Variants in SLAMF7 observed in about 807,000 individuals in gnomAD.
The protein encoded by SLAMF7 is 19A24 protein.
A neutral mutation model predicts 34.1 loss-of-function variants in SLAMF7; 26 were observed. The ratio of observed to expected loss-of-function variants is 0.76; its 90% CI spans 0.56 to 1.06. SLAMF7 has a LOEUF of 1.06. SLAMF7 is among the 50% of genes least tolerant of loss of function. The pLI is 0.00. For missense variants in SLAMF7, 399 were observed against 402.5 expected, an observed-to-expected ratio of 0.99 and a Z score of 0.07; for synonymous variants, 171 against 156.4, an observed-to-expected ratio of 1.09 and a Z score of -0.70.
chr1:160,751,756 G>A (rs1216081627), intron 5 of SLAMF7: 1 of 223,742 alleles, frequency 4.5e-6, no homozygotes, highest in Non-Finnish European at 8.8e-6. Flanking sequence ...AAGGCAGTGG[G>A]TAGAAGAGTG....
Position 160,751,384 on chromosome 1 carries a change from A to C in SLAMF7, c.809A>C (p.Glu270Ala). 6.2e-7 allele frequency: 1 copy of C among 1,614,008 alleles called. No individual in the cohort carries two copies. Among genetic ancestry groups the C allele is most frequent in the Non-Finnish European group, 8.5e-7 (1 of 1,179,922 alleles). Residue 270 changes from glutamate (E) to alanine (A), a missense_variant, in exon 5 of 7, where the codon GAA becomes GCA. Coordinates refer to ENST00000368043, the MANE Select transcript of SLAMF7 (RefSeq NM_021181.5). The part of the protein sequence containing the change: ...EEKKRVDICR[E>A]TPNICPHSGE... The stretch of plus-strand genomic sequence containing the variant: ...AAGAAGAGAGTGGACATTTGTCGGG[A>C]AACTCCTAACATATGCCCCCATTCT...
intron 1 of SLAMF7, among the ~76,000 whole-genome samples, chr1:160,740,264 C>T (rs576189046): frequency 2.1e-5 from 3 of 141,618 alleles, no homozygotes; most frequent in African/African-American, 8.1e-5. Context: ...CCAGGTGGTT[C>T]TGGAATAGGC....
At chr1:160,752,355 TA>T in intron 6 of SLAMF7, 107 bp downstream of exon 6, 1 of 794,008 alleles carries the variant, frequency 1.3e-6, no homozygotes, top group Non-Finnish European at 2.1e-6. Flanking sequence ...TCTCTAGAAT[TA>T]AAAAGTACCC....
chr1:160,743,194 G>A (rs1196845112), intron 1 of SLAMF7, among the ~76,000 whole-genome samples: 1 of 152,232 alleles, frequency 6.6e-6, no homozygotes, highest in Admixed American at 6.5e-5. Flanking sequence ...TGTCAATGAA[G>A]TGAAATTAGT....
At chr1:160,752,983 G>A in intron 6 of SLAMF7, 123 bp from the exon 7 acceptor site, 1 of 772,484 alleles carries the variant, frequency 1.3e-6, no homozygotes, top group Admixed American at 2.1e-5. Flanking sequence ...GTGGGAGCCA[G>A]CATGCCAGCC....
Position 160,749,882 on chromosome 1 carries a change from G to T in SLAMF7, c.438G>T (p.Val146=). Residue 146 remains valine (V), a synonymous_variant, in exon 3 of 7, where the codon GTG becomes GTT. Transcript: ENST00000368043. ...AGAGCAATAAGAATGGCACCTGTGT[G>T]ACCAATCTGACATGCTGCATGGAAC... ...GLQSNKNGTC[V]TNLTCCMEHG... 1 of 1,613,968 alleles carries T rather than the reference G, an allele frequency of 6.2e-7. No homozygotes were observed. The highest frequency in any genetic ancestry group is 1.1e-5 in the South Asian group (1 of 91,018).
chr1:160,750,127 G>A, intron 3 of SLAMF7, 34 bp downstream of exon 3: 1 of 1,604,962 alleles, frequency 6.2e-7, no homozygotes, highest in Non-Finnish European at 8.5e-7. Context: ...AGGAGACTCT[G>A]CCCAGGTCCT....
chr1:160,743,290 A>T (rs1663883706), intron 1 of SLAMF7, among the ~76,000 whole-genome samples: 1 of 152,216 alleles, frequency 6.6e-6, no homozygotes, highest in African/African-American at 2.4e-5. Context: ...TTTGAATAAG[A>T]TTTACATGAA....
rs142395637 is a variant in SLAMF7 at position 160,750,413 on chromosome 1, G to C, written c.759G>C (p.Glu253Asp). The C allele has an allele frequency of 1.4e-5, 22 of 1,613,790 alleles. No individual in the cohort carries two copies. Among genetic ancestry groups the C allele is most frequent in the African/African-American group, 1.1e-4 (8 of 75,024 alleles). The change falls in exon 4 of 7, where the codon GAG becomes GAC. Residue 253 changes from glutamate to aspartate, a missense_variant. By Grantham distance (45) the Glu-to-Asp change is conservative. Transcript: ENST00000368043. ...LGLFLWFLKRERQEEYIEEKK... is the reference protein window; with the variant it reads ...LGLFLWFLKRDRQEEYIEEKK... ...TATTTCTTTGGTTTCTGAAGAGAGA[G>C]AGACAAGAAGGTAGAGCGTGTACTA...
intron 1 of SLAMF7, among the ~76,000 whole-genome samples, chr1:160,740,900 C>G (rs1663690852): frequency 6.6e-6 from 1 of 152,062 alleles, no homozygotes; most frequent in Non-Finnish European, 1.5e-5. Flanking sequence ...TATAAGGTAG[C>G]CAGAGATTGA....
intron 2 of SLAMF7, among the ~76,000 whole-genome samples, 184 bp from the exon 3 acceptor site, chr1:160,749,637 C>T (rs1340005311): frequency 3.3e-5 from 5 of 152,152 alleles, no homozygotes; most frequent in African/African-American, 1.2e-4. Context: ...TATTATATAG[C>T]TATGGTAAAG....
intron 1 of SLAMF7, among the ~76,000 whole-genome samples, chr1:160,746,532 G>A (rs1224543744): frequency 2.6e-5 from 4 of 152,200 alleles, no homozygotes; most frequent in Non-Finnish European, 5.9e-5. Context: ...GTACTTTTAA[G>A]GAGAACACCT....
At chr1:160,741,615 A>T (rs1663748550) in intron 1 of SLAMF7, among the ~76,000 whole-genome samples, 1 of 152,180 alleles carries the variant, frequency 6.6e-6, no homozygotes, top group African/African-American at 2.4e-5. Flanking sequence ...TTACACAGAA[A>T]AAAACAAATA....
chr1:160,751,862 C>CTATATATATA (rs60757043), intron 5 of SLAMF7: 5 of 41,914 alleles, frequency 1.2e-4, no homozygotes, highest in Admixed American at 3.1e-4. Context: ...CTCTCTCTCT[C>CTATATATATA]TATATATATA....
chr1:160,740,456 C>T (rs1419813924), intron 1 of SLAMF7, among the ~76,000 whole-genome samples: 1 of 152,120 alleles, frequency 6.6e-6, no homozygotes, highest in Non-Finnish European at 1.5e-5. Flanking sequence ...CCATGCAGGT[C>T]CCCCTCTGCC....
intron 5 of SLAMF7, 102 bp from the exon 6 acceptor site, chr1:160,752,084 C>T: frequency 1.1e-6 from 1 of 940,322 alleles, no homozygotes; most frequent in Non-Finnish European, 1.7e-6. Flanking sequence ...CTCCTCCCAT[C>T]TCTGCTTTCC....
At chr1:160,748,843 A>G (rs1267556630) in intron 2 of SLAMF7, among the ~76,000 whole-genome samples, 14 of 152,154 alleles carry the variant, frequency 9.2e-5, no homozygotes, top group African/African-American at 3.1e-4. Context: ...TGTAGTGGGG[A>G]GGAAAGAAAT....
intron 5 of SLAMF7, 90 bp downstream of exon 5, chr1:160,751,538 T>G (rs1275620002): frequency 1.0e-6 from 1 of 1,000,062 alleles, no homozygotes; most frequent in Non-Finnish European, 1.6e-6. Flanking sequence ...AACATGGGAA[T>G]GAAGAGGGGA....
intron 1 of SLAMF7, among the ~76,000 whole-genome samples, chr1:160,742,431 G>A (rs896895221): frequency 2.0e-5 from 3 of 152,098 alleles, no homozygotes; most frequent in Non-Finnish European, 2.9e-5. Flanking sequence ...AAGGTGTTTT[G>A]GGATATCTCT....
Sources: gnomAD v4.1 joint callset for allele counts (sites outside exome capture counted in the v4.1 genomes callset) on GRCh38, gnomAD v4.1.1 for gene constraint, MANE v1.5 for transcripts, NCBI Gene and HGNC (gene_info 2026-07-23, HGNC 2026-07-21) for gene names.